Variants in ADAM19 observed in about 807,000 individuals in gnomAD.
The protein encoded by ADAM19 is ADAM metallopeptidase domain 19.
In ADAM19, 65 loss-of-function variants were observed where a neutral mutation model predicts 114.7. The observed-to-expected ratio is 0.57, with a 90% confidence interval of 0.46 to 0.70. ADAM19 has a LOEUF of 0.70. Ranked by LOEUF, ADAM19 falls within the 30% of genes least tolerant of loss-of-function variation. The probability of loss-of-function intolerance (pLI) is 0.00; values close to 1 mark genes in which losing one functional copy is unlikely to be tolerated. For synonymous variants in ADAM19, 466 were observed against 460.5 expected, an observed-to-expected ratio of 1.01 and a Z score of -0.15; for missense variants, 1,063 against 1,204.7, an observed-to-expected ratio of 0.88 and a Z score of 1.74.
In ADAM19 at chr5:157,480,333, T is replaced by C; in HGVS notation, c.*616A>G. The C allele has an allele frequency of 1.0e-6, 1 of 986,866 alleles. No individual in the cohort carries two copies. The highest frequency in any genetic ancestry group is 1.2e-6 in the Non-Finnish European group (1 of 830,970). The allele number at this position is 986,866 out of a possible 1,614,324, so 61.1% of individuals were successfully genotyped here. A position where few individuals can be genotyped will look rare whatever the true frequency, so the allele number is the denominator to read the frequency against. ...TCTGAGTCAGAGTGACCCGTGTGAA[T>C]ACAGGGATGCAGGGGTTTGGGGAGA... is the stretch of plus-strand genomic sequence containing the variant. On this transcript the variant is annotated 3_prime_UTR_variant, in exon 23 of 23. Coordinates refer to ENST00000257527, the MANE Select transcript of ADAM19 (RefSeq NM_033274.5).
intron 14 of ADAM19, 32 bp downstream of exon 14, chr5:157,496,862 G>A: frequency 4.0e-6 from 6 of 1,506,790 alleles, no homozygotes; most frequent in Non-Finnish European, 4.4e-6. Flanking sequence ...GTGGTGGGCT[G>A]GGGAGAGCCG....
intron 7 of ADAM19, among the ~76,000 whole-genome samples, chr5:157,517,745 C>G (rs1054875563): frequency 6.6e-6 from 1 of 152,204 alleles, no homozygotes; most frequent in Non-Finnish European, 1.5e-5. Context: ...CAAGAGATCA[C>G]TGATGAATAA....
At chr5:157,499,867 T>G (rs1320534858) in intron 12 of ADAM19, among the ~76,000 whole-genome samples, 1 of 150,816 alleles carries the variant, frequency 6.6e-6, no homozygotes. Context: ...CAACCTCTGC[T>G]TCCTGGTTTC....
In ADAM19 at chr5:157,477,571, C is replaced by G; in HGVS notation, c.*3378G>C. 8.1e-7 allele frequency: 1 copy of G among 1,234,468 alleles called. No individual in the cohort carries two copies. Among genetic ancestry groups the G allele is most frequent in the Non-Finnish European group, 1.0e-6 (1 of 960,104 alleles). The allele number at this position is 1,234,468 out of a possible 1,614,324, so 76.5% of individuals were successfully genotyped here. Reference sequence around the variant, plus strand: ...GACTTTGGAAATGTGGGCTTGGATTCTACAGAACCTCTCCTTCGCAGGCTC... The same window carrying G: ...GACTTTGGAAATGTGGGCTTGGATTGTACAGAACCTCTCCTTCGCAGGCTC... On this transcript the variant is annotated 3_prime_UTR_variant, in exon 23 of 23. Transcript: ENST00000257527.
chr5:157,572,914 G>T (rs1430214434), intron 1 of ADAM19, among the ~76,000 whole-genome samples: 1 of 152,112 alleles, frequency 6.6e-6, no homozygotes, highest in African/African-American at 2.4e-5. Context: ...GCTGGGTGTG[G>T]TGGCGCATGC....
At chr5:157,534,082 T>C (rs967879115) in intron 4 of ADAM19, among the ~76,000 whole-genome samples, 1 of 152,208 alleles carries the variant, frequency 6.6e-6, no homozygotes, top group South Asian at 2.1e-4. Flanking sequence ...CTCTCGAAAA[T>C]AGAGCACCTG....
intron 3 of ADAM19, among the ~76,000 whole-genome samples, chr5:157,557,248 A>G (rs1180177810): frequency 2.6e-5 from 4 of 152,240 alleles, no homozygotes; most frequent in Non-Finnish European, 4.4e-5. Flanking sequence ...AGTAAAACTT[A>G]GAAGGCAAGT....
At position 157,528,960 on chromosome 5, in the gene ADAM19, C is replaced by A. The variant is rs75746800; in HGVS notation, c.407+1847G>T. Among the ~76,000 whole-genome samples, 52 of 152,208 alleles carry A rather than the reference C, an allele frequency of 3.4e-4. 1 individual carries two copies. The East Asian group carries it at 9.7e-3, about 28-fold the overall frequency. Reference sequence around the variant, plus strand: ...AAATGCAATCATTGAATGAATGAAGCAATCAGTCAAGAGAGGAAGAACACA... The same window carrying A: ...AAATGCAATCATTGAATGAATGAAGAAATCAGTCAAGAGAGGAAGAACACA... On this transcript the variant is annotated intron_variant, in intron 5 of 22. Coordinates refer to ENST00000257527, the MANE Select transcript of ADAM19 (RefSeq NM_033274.5).
intron 15 of ADAM19, among the ~76,000 whole-genome samples, chr5:157,494,263 A>AGATGGATG (rs60209034): frequency 3.2e-3 from 488 of 151,008 alleles, no homozygotes; most frequent in Non-Finnish European, 4.8e-3. Context: ...ATGGATGGAT[A>AGATGGATG]GATGGATGGA....
chr5:157,479,248 G>T lies in ADAM19; in HGVS notation c.*1701C>A. 1.0e-6 allele frequency: 1 copy of T among 985,854 alleles called. No individual in the cohort carries two copies. The highest frequency in any genetic ancestry group is 1.2e-6 in the Non-Finnish European group (1 of 829,956). 61.1% of individuals were successfully genotyped at this position (985,854 alleles called of 1,614,324 possible). Reference sequence around the variant, plus strand: ...GGCTTTTCCCCCAGGGGTACATCCCGTATTTTCCACTTATTTCCAAACCCA... The same window carrying T: ...GGCTTTTCCCCCAGGGGTACATCCCTTATTTTCCACTTATTTCCAAACCCA... On this transcript the variant is annotated 3_prime_UTR_variant, in exon 23 of 23. Coordinates refer to ENST00000257527, the MANE Select transcript of ADAM19 (RefSeq NM_033274.5).
intron 14 of ADAM19, among the ~76,000 whole-genome samples, chr5:157,496,256 A>C (rs1478989531): frequency 6.6e-6 from 1 of 152,220 alleles, no homozygotes; most frequent in African/African-American, 2.4e-5. Flanking sequence ...TTAGCCATAA[A>C]GCATTGCATT....
Position 157,558,327 on chromosome 5 carries a change from C to T in ADAM19, c.251+6046G>A, listed in dbSNP as rs551962046. Among the ~76,000 whole-genome samples, 20 of 152,324 alleles carry T rather than the reference C, an allele frequency of 1.3e-4. No homozygotes were observed. In the South Asian group the frequency reaches 3.7e-3, roughly 28 times the overall value. ...CACCTGTCTCCCCGGGTTATACAAC[C>T]TTAGCCATGGGGAATGGGGAGCCCA... On this transcript the variant is annotated intron_variant, in intron 3 of 22. Coordinates refer to ENST00000257527, the MANE Select transcript of ADAM19 (RefSeq NM_033274.5).
intron 9 of ADAM19, among the ~76,000 whole-genome samples, chr5:157,508,909 G>T (rs1490636208): frequency 6.6e-6 from 1 of 152,226 alleles, no homozygotes; most frequent in Non-Finnish European, 1.5e-5. Context: ...CCGCTCTCCT[G>T]TGCCTGTGTT....
At chr5:157,510,957 G>T (rs896669371) in intron 8 of ADAM19, among the ~76,000 whole-genome samples, 1 of 152,198 alleles carries the variant, frequency 6.6e-6, no homozygotes, top group East Asian at 1.9e-4. Flanking sequence ...ATAGACTACA[G>T]ACGTTCTTGG....
intron 3 of ADAM19, among the ~76,000 whole-genome samples, chr5:157,554,146 A>G (rs1345977737): frequency 1.3e-5 from 2 of 152,198 alleles, no homozygotes; most frequent in South Asian, 4.1e-4. Flanking sequence ...CACTCCCTCA[A>G]TGCCAGCTAT....
At chr5:157,489,249 A>G in intron 19 of ADAM19, 63 bp from the exon 20 acceptor site, 1 of 1,245,742 alleles carries the variant, frequency 8.0e-7, no homozygotes, top group Non-Finnish European at 1.2e-6. Flanking sequence ...ACAGTGCCTG[A>G]GTTCCCTTTG....
At chr5:157,542,954 T>G (rs985144661) in intron 3 of ADAM19, among the ~76,000 whole-genome samples, 1 of 152,196 alleles carries the variant, frequency 6.6e-6, no homozygotes, top group African/African-American at 2.4e-5. Context: ...TTCCACTCTG[T>G]AAAATCAGAT....
At chr5:157,488,612 G>A in intron 20 of ADAM19, 123 bp from the exon 21 acceptor site, 1 of 749,898 alleles carries the variant, frequency 1.3e-6, no homozygotes, top group East Asian at 2.8e-5. Context: ...AAACCCCTGA[G>A]GATCCCAGAA....
chr5:157,477,850 C>G lies in ADAM19; in HGVS notation c.*3099G>C. The G allele has an allele frequency of 1.7e-6, 1 of 602,822 alleles. No homozygotes were observed. Among genetic ancestry groups the G allele is most frequent in the Non-Finnish European group, 2.6e-6 (1 of 390,646 alleles). 37.3% of individuals were successfully genotyped at this position (602,822 alleles called of 1,614,324 possible). ...TTGCTTCAGGGGGAAGGGACTATGG[C>G]AATACAAAAAAACACTCCAACCAGA... On this transcript the variant is annotated 3_prime_UTR_variant, in exon 23 of 23. Transcript: ENST00000257527.
Sources: gnomAD v4.1 joint callset for allele counts (sites outside exome capture counted in the v4.1 genomes callset) on GRCh38, gnomAD v4.1.1 for gene constraint, MANE v1.5 for transcripts, NCBI Gene and HGNC (gene_info 2026-07-23, HGNC 2026-07-21) for gene names.